Variants in ADAMTS18 observed in about 807,000 individuals in gnomAD.
ADAMTS18 encodes the protein A disintegrin and metalloproteinase with thrombospondin motifs 18.
A neutral mutation model predicts 165.9 loss-of-function variants in ADAMTS18; 157 were observed. The observed-to-expected ratio is 0.95, with a 90% CI of 0.83 to 1.08. The LOEUF is 1.08. ADAMTS18 is among the 50% of genes least tolerant of loss of function. ADAMTS18 has a pLI of 0.00. For synonymous variants in ADAMTS18, 782 were observed against 578.2 expected, an observed-to-expected ratio of 1.35 and a Z score of -5.06; for missense variants, 2,040 against 1,534.0, an observed-to-expected ratio of 1.33 and a Z score of -5.51.
rs2057777894 is a variant in ADAMTS18, at chr16:77,434,804, C to A, written c.-109G>T. 7 of 959,206 alleles carry A rather than the reference C, an allele frequency of 7.3e-6. No individual in the cohort carries two copies. The highest frequency in any genetic ancestry group is 4.4e-5 in the Admixed American group (1 of 22,798). 59.4% of individuals were successfully genotyped at this position (959,206 alleles called of 1,614,324 possible). ...GGAGCTCGGCGCCCCAGGTGCGGCT[C>A]CAGGTGAGAGCCGCCGCCGTTCACA... On this transcript the variant is annotated 5_prime_UTR_variant, in exon 1 of 23. Coordinates refer to ENST00000282849, the MANE Select transcript of ADAMTS18 (RefSeq NM_199355.4).
At chr16:77,416,308 G>T in intron 3 of ADAMTS18, among the ~76,000 whole-genome samples, 1 of 152,140 alleles carries the variant, frequency 6.6e-6, no homozygotes, top group Middle Eastern at 3.2e-3. Flanking sequence ...GAGATAGGAA[G>T]TTAGATCCAA....
intron 8 of ADAMTS18, among the ~76,000 whole-genome samples, chr16:77,358,008 G>A (rs1029813618): frequency 6.6e-5 from 10 of 152,126 alleles, no homozygotes; most frequent in East Asian, 5.8e-4. Context: ...ACACCTGTTC[G>A]GTTGGACTTC....
chr16:77,412,326 T>A (rs559027786), intron 3 of ADAMTS18, among the ~76,000 whole-genome samples: 28 of 152,220 alleles, frequency 1.8e-4, no homozygotes, highest in African/African-American at 6.7e-4. Flanking sequence ...ATTATAATAG[T>A]ATAATAAATT....
intron 10 of ADAMTS18, among the ~76,000 whole-genome samples, chr16:77,343,658 A>G (rs2056432595): frequency 6.6e-6 from 1 of 152,174 alleles, no homozygotes; most frequent in Non-Finnish European, 1.5e-5. Flanking sequence ...CCACTACACT[A>G]GGCCTGGATT....
chr16:77,293,692 G>T (rs939936297), intron 19 of ADAMTS18, among the ~76,000 whole-genome samples: 5 of 150,896 alleles, frequency 3.3e-5, no homozygotes, highest in African/African-American at 1.2e-4. Context: ...TGGACGGGCA[G>T]GGTGGTGCTT....
At chr16:77,391,388 G>A (rs930179686) in intron 3 of ADAMTS18, among the ~76,000 whole-genome samples, 1 of 151,990 alleles carries the variant, frequency 6.6e-6, no homozygotes, top group African/African-American at 2.4e-5. Flanking sequence ...CTACTCGGAA[G>A]GCTGAAGCAG....
chr16:77,387,668 G>A (rs1326862293), intron 3 of ADAMTS18, among the ~76,000 whole-genome samples: 1 of 152,176 alleles, frequency 6.6e-6, no homozygotes, highest in Non-Finnish European at 1.5e-5. Context: ...ATCACATTAA[G>A]AAAATCAGCA....
Position 77,389,391 on chromosome 16 carries a change from G to A in ADAMTS18, c.496-21668C>T, listed in dbSNP as rs536691152. Among the ~76,000 whole-genome samples the A allele has an allele frequency of 1.2e-4, 18 of 152,284 alleles. No individual in the cohort carries two copies. The South Asian group carries it at 3.5e-3, about 30-fold the overall frequency. ...TAGCTTAAGTGAGGGGGTAGGTTTT[G>A]TTTGTTACAGTTTTGTTTTGTGGGA... On this transcript the variant is annotated intron_variant, in intron 3 of 22. Coordinates refer to ENST00000282849, the MANE Select transcript of ADAMTS18 (RefSeq NM_199355.4).
intron 11 of ADAMTS18, among the ~76,000 whole-genome samples, chr16:77,336,699 T>C (rs1025108273): frequency 6.6e-6 from 1 of 152,224 alleles, no homozygotes; most frequent in East Asian, 1.9e-4. Context: ...GTTCTCCTTT[T>C]TGTAACAAAT....
chr16:77,350,653 C>A (rs543582652), intron 10 of ADAMTS18, among the ~76,000 whole-genome samples: 1 of 152,074 alleles, frequency 6.6e-6, no homozygotes, highest in Non-Finnish European at 1.5e-5. Flanking sequence ...TATGTGTGAA[C>A]GTTCAAAATT....
intron 3 of ADAMTS18, among the ~76,000 whole-genome samples, chr16:77,423,520 C>G (rs768856186): frequency 6.6e-6 from 1 of 152,128 alleles, no homozygotes; most frequent in Non-Finnish European, 1.5e-5. Context: ...GCATCCATAG[C>G]CCCCATGAGA....
intron 3 of ADAMTS18, 31 bp from the exon 4 acceptor site, chr16:77,367,754 T>G: frequency 1.2e-6 from 2 of 1,614,152 alleles, no homozygotes; most frequent in African/African-American, 1.3e-5. Flanking sequence ...CAAACAGTCA[T>G]GATTCCATGC....
At chr16:77,399,505 T>C (rs1391527549) in intron 3 of ADAMTS18, among the ~76,000 whole-genome samples, 1 of 152,220 alleles carries the variant, frequency 6.6e-6, no homozygotes, top group Admixed American at 6.5e-5. Context: ...CCCTAGAAGA[T>C]AAAACTAAGT....
At chr16:77,298,060 G>T (rs959534482) in intron 17 of ADAMTS18, among the ~76,000 whole-genome samples, 1 of 151,478 alleles carries the variant, frequency 6.6e-6, no homozygotes, top group African/African-American at 2.4e-5. Context: ...AGATACCTGG[G>T]ATTACAGGTG....
At chr16:77,386,324 C>G (rs1293720390) in intron 3 of ADAMTS18, among the ~76,000 whole-genome samples, 1 of 152,172 alleles carries the variant, frequency 6.6e-6, no homozygotes, top group Non-Finnish European at 1.5e-5. Flanking sequence ...ATCCAAATTT[C>G]TAAGGTTTTA....
At chr16:77,316,999 G>A (rs774716701) in intron 16 of ADAMTS18, among the ~76,000 whole-genome samples, 3 of 152,052 alleles carry the variant, frequency 2.0e-5, no homozygotes, top group South Asian at 2.1e-4. Flanking sequence ...CTTCCTCCGC[G>A]TGAATTTCCT....
At chr16:77,356,628 A>AT (rs60742096) in intron 8 of ADAMTS18, among the ~76,000 whole-genome samples, 55,580 of 151,928 alleles carry the variant, frequency 0.37, 11,071 homozygotes, top group Non-Finnish European at 0.46. Context: ...TATAATAAAC[A>AT]TTTTTTTAAC....
chr16:77,297,916 CTTTTTTTTTTTTTT>C (rs34422251), intron 17 of ADAMTS18, among the ~76,000 whole-genome samples: 11 of 61,534 alleles, frequency 1.8e-4, no homozygotes, highest in Non-Finnish European at 2.8e-4. Flanking sequence ...TCTGCTTTTG[CTTTTTTTTTTTTTT>C]TTTTTTTTTT....
chr16:77,330,145 G>A (rs2056164352), intron 12 of ADAMTS18, among the ~76,000 whole-genome samples: 2 of 152,086 alleles, frequency 1.3e-5, no homozygotes, highest in African/African-American at 2.4e-5. Context: ...TATTACTGGT[G>A]GGAAAATACA....
Sources: allele counts gnomAD v4.1 joint callset (sites outside exome capture counted in the v4.1 genomes callset), GRCh38; gene constraint gnomAD v4.1.1; transcripts MANE v1.5; gene names NCBI Gene and HGNC (gene_info 2026-07-23, HGNC 2026-07-21).